CALCOCO2: variants seen among roughly 807,000 people sequenced by gnomAD.
The protein encoded by CALCOCO2 is calcium binding and coiled-coil domain 2.
CALCOCO2 carries 42 observed loss-of-function variants against 62.5 expected under a neutral mutation model. The observed-to-expected ratio is 0.67, with a 90% CI of 0.53 to 0.87. The LOEUF (loss-of-function observed/expected upper bound fraction) is 0.87. CALCOCO2 is among the 40% of genes least tolerant of loss of function. The pLI is 0.00. For synonymous variants in CALCOCO2, 167 were observed against 173.0 expected, an observed-to-expected ratio of 0.97 and a Z score of 0.27; for missense variants, 456 against 515.0, an observed-to-expected ratio of 0.89 and a Z score of 1.11.
At chr17:48,859,914 G>A (rs1490873510) in intron 10 of CALCOCO2, among the ~76,000 whole-genome samples, 1 of 152,122 alleles carries the variant, frequency 6.6e-6, no homozygotes, top group Non-Finnish European at 1.5e-5. Context: ...GGCCAACATG[G>A]TGAAACCCGT....
At chr17:48,837,313 T>A (rs2143573901) in intron 1 of CALCOCO2, among the ~76,000 whole-genome samples, 1 of 152,244 alleles carries the variant, frequency 6.6e-6, no homozygotes, top group East Asian at 1.9e-4. Flanking sequence ...GGAAAAATCT[T>A]GACCTAGACT....
In CALCOCO2 at chr17:48,848,067, G is replaced by A; in HGVS notation, c.184G>A (p.Gly62Arg). 2 of 1,595,230 alleles carry A rather than the reference G, an allele frequency of 1.3e-6. No individual in the cohort carries two copies. Among genetic ancestry groups the A allele is most frequent in the Non-Finnish European group, 1.7e-6 (2 of 1,163,232 alleles). The change falls in exon 3 of 13, where the codon GGG becomes AGG. Residue 62 changes from glycine to arginine, a missense_variant. By Grantham distance (125) the Gly-to-Arg change is moderately radical. Transcript: ENST00000258947. ...TAAGAACTTCTTGTCATTGCAGGTG[G>A]GGTGGAAGACAACCCGTGAGTATTA... ...RKDWIGIFRVGWKTTREYYTF... is the reference protein window; with the variant it reads ...RKDWIGIFRVRWKTTREYYTF...
intron 1 of CALCOCO2, among the ~76,000 whole-genome samples, chr17:48,840,590 C>T (rs922831371): frequency 1.1e-4 from 16 of 152,150 alleles, no homozygotes; most frequent in Non-Finnish European, 2.1e-4. Context: ...CATGCTGTTT[C>T]CTTCACCTAG....
rs1413376716 is a variant in CALCOCO2 at position 48,860,350 on chromosome 17, A to G, written c.1045A>G (p.Met349Val). Residue 349 changes from methionine to valine, a missense_variant, in exon 11 of 13, where the codon ATG becomes GTG. By Grantham distance (21) the Met-to-Val change is conservative. Around this residue, in one of 3 missense-constraint regions of CALCOCO2, gnomAD observed 172 missense variants for 210.3 expected, o/e 0.82. Transcript: ENST00000258947. Reference sequence around the variant, plus strand: ...GGAGAACAGCAGATTGCTCAGTTACATGGGTCTGGATTTTAATTCTTTGCC... The same window carrying G: ...GGAGAACAGCAGATTGCTCAGTTACGTGGGTCTGGATTTTAATTCTTTGCC... ...KRENSRLLSY[M>V]GLDFNSLPYQ... 3 of 1,613,550 alleles carry G rather than the reference A, an allele frequency of 1.9e-6. No individual in the cohort carries two copies. Among genetic ancestry groups the G allele is most frequent in the Middle Eastern group, 1.6e-4 (1 of 6,084 alleles).
intron 10 of CALCOCO2, among the ~76,000 whole-genome samples, chr17:48,858,007 T>C (rs898386052): frequency 9.9e-3 from 188 of 19,080 alleles, no homozygotes; most frequent in Middle Eastern, 0.026. Context: ...TAGAATAGAA[T>C]AGAATAGAAT....
At chr17:48,852,213 A>G (rs548419831) in intron 7 of CALCOCO2, 3 of 261,864 alleles carry the variant, frequency 1.1e-5, no homozygotes, top group South Asian at 1.3e-4. Flanking sequence ...GTAGTTTACC[A>G]TGAGCTCTTA....
chr17:48,862,728 C>T (rs768192324), intron 12 of CALCOCO2, 110 bp from the exon 13 acceptor site: 98 of 830,054 alleles, frequency 1.2e-4, no homozygotes, highest in Non-Finnish European at 1.8e-4. Context: ...AGTGCCTAAC[C>T]ATGTGCCAGT....
chr17:48,847,730 A>G (rs2040071632), intron 2 of CALCOCO2: 1 of 176,414 alleles, frequency 5.7e-6, no homozygotes, highest in Non-Finnish European at 1.2e-5. Flanking sequence ...ATCTCGGCTC[A>G]CTGCAACCTC....
At chr17:48,842,972 T>C (rs902776143) in intron 2 of CALCOCO2, among the ~76,000 whole-genome samples, 1 of 152,230 alleles carries the variant, frequency 6.6e-6, no homozygotes, top group South Asian at 2.1e-4. Context: ...TGACCTCATA[T>C]GTCATTTCTG....
chr17:48,853,055 G>A (rs2040157418), intron 9 of CALCOCO2, 43 bp downstream of exon 9: 3 of 1,329,558 alleles, frequency 2.3e-6, no homozygotes, highest in African/African-American at 1.4e-5. Context: ...GAGCCTATAG[G>A]GATGTAGAAG....
intron 1 of CALCOCO2, among the ~76,000 whole-genome samples, chr17:48,835,623 A>G (rs919513336): frequency 2.0e-5 from 3 of 152,176 alleles, no homozygotes; most frequent in Non-Finnish European, 2.9e-5. Flanking sequence ...TCCTTTGACT[A>G]TACACTCAAG....
intron 2 of CALCOCO2, chr17:48,846,120 A>G: frequency 9.2e-7 from 1 of 1,088,754 alleles, no homozygotes. Flanking sequence ...AACTCTTTTT[A>G]TTTTTTATTT....
At chr17:48,841,955 C>A in intron 2 of CALCOCO2, 68 bp downstream of exon 2, 1 of 1,137,586 alleles carries the variant, frequency 8.8e-7, no homozygotes, top group Non-Finnish European at 1.3e-6. Context: ...AACTGTGTGA[C>A]TCTCTGTGTA....
chr17:48,858,059 T>A (rs145789883), intron 10 of CALCOCO2, among the ~76,000 whole-genome samples: 1 of 136,894 alleles, frequency 7.3e-6, no homozygotes. Context: ...TAGAATAGAA[T>A]AGAATAGAAT....
At chr17:48,856,334 A>C in intron 10 of CALCOCO2, 147 bp downstream of exon 10, 2 of 564,024 alleles carry the variant, frequency 3.5e-6, no homozygotes, top group Admixed American at 6.2e-5. Flanking sequence ...GAGTAAATTT[A>C]ATCTAATTTC....
rs748873558 is a variant in CALCOCO2 at position 48,863,011 on chromosome 17, C to A, written c.*6C>A. ...TGTTCTGCCACTCTCTCTGAGTATC[C>A]CAACCTCTTGGATGTATACAGAGAT... On this transcript the variant is annotated 3_prime_UTR_variant, in exon 13 of 13. Coordinates refer to ENST00000258947, the MANE Select transcript of CALCOCO2 (RefSeq NM_005831.5). The A allele has an allele frequency of 1.3e-6, 2 of 1,597,300 alleles. No homozygotes were observed. The highest frequency in any genetic ancestry group is 3.3e-5 in the Admixed American group (2 of 59,978).
intron 1 of CALCOCO2, among the ~76,000 whole-genome samples, chr17:48,835,720 TTTTTCTTTTCTTTTC>T (rs148812139): frequency 2.9e-4 from 42 of 143,240 alleles, no homozygotes; most frequent in African/African-American, 6.2e-4. Flanking sequence ...AGATTGGTTG[TTTTTCTTTTCTTTTC>T]TTTTCTTTTC....
rs1413210381 is a variant in CALCOCO2 at position 48,858,016 on chromosome 17, A to G, written c.1008+1829A>G. 7.6e-3 allele frequency among the ~76,000 whole-genome samples: 121 copies of G among 15,868 alleles called. 2 individuals are homozygous for G. The highest frequency in any genetic ancestry group is 0.049 in the East Asian group (40 of 824). The allele number at this position is 15,868 out of a possible 152,430, so 10.4% of individuals were successfully genotyped here. ...ATAGAATAGAATAGAATAGAATAGA[A>G]TAGAATAGAATAGAATAGAATAGAA... On this transcript the variant is annotated intron_variant, in intron 10 of 12. Coordinates refer to ENST00000258947, the MANE Select transcript of CALCOCO2 (RefSeq NM_005831.5).
intron 1 of CALCOCO2, among the ~76,000 whole-genome samples, chr17:48,837,550 G>C (rs768294164): frequency 2.0e-5 from 3 of 152,112 alleles, no homozygotes; most frequent in Non-Finnish European, 2.9e-5. Context: ...GGAGGCTGAA[G>C]CAGGAGAATT....
Sources: gnomAD v4.1 joint callset for allele counts (sites outside exome capture counted in the v4.1 genomes callset) on GRCh38, gnomAD v4.1.1 for gene constraint, gnomAD v4.1.1 regional missense constraint, MANE v1.5 for transcripts, NCBI Gene and HGNC (gene_info 2026-07-23, HGNC 2026-07-21) for gene names.